SLAIN1: variants seen among roughly 807,000 people sequenced by gnomAD.
The protein encoded by SLAIN1 is SLAIN family member 1, also known as SLAIN motif-containing protein 1.
In SLAIN1, 17 loss-of-function variants were observed where a neutral mutation model predicts 55.4. The observed-to-expected ratio is 0.31, with a 90% CI of 0.21 to 0.46. SLAIN1 has a LOEUF of 0.46. SLAIN1 is among the 20% of genes least tolerant of loss of function. The probability of loss-of-function intolerance (pLI) is 1.00; values close to 1 mark genes in which losing one functional copy is unlikely to be tolerated. For missense variants in SLAIN1, 682 were observed against 785.1 expected (o/e 0.87, Z 1.57); for synonymous variants, 348 against 337.4 (o/e 1.03, Z -0.35).
At chr13:77,755,044 G>C (rs1170910199) in intron 5 of SLAIN1, among the ~76,000 whole-genome samples, 1 of 152,008 alleles carries the variant, frequency 6.6e-6, no homozygotes, top group Non-Finnish European at 1.5e-5. Context: ...TAGGAGAATG[G>C]GCCAAATGTA....
At chr13:77,732,458 T>C (rs1010638803) in intron 2 of SLAIN1, among the ~76,000 whole-genome samples, 4 of 152,166 alleles carry the variant, frequency 2.6e-5, no homozygotes, top group African/African-American at 9.7e-5. Context: ...TCAGCTTGCA[T>C]TGTGGCTGTA....
chr13:77,757,070 T>A (rs1874656826), intron 5 of SLAIN1, among the ~76,000 whole-genome samples: 1 of 152,172 alleles, frequency 6.6e-6, no homozygotes, highest in Admixed American at 6.5e-5. Context: ...TGAAGGTTTT[T>A]AAAAAATTAA....
intron 2 of SLAIN1, among the ~76,000 whole-genome samples, chr13:77,721,662 G>A (rs962004844): frequency 1.1e-4 from 17 of 151,826 alleles, no homozygotes; most frequent in East Asian, 1.9e-4. Flanking sequence ...TGTCATGACT[G>A]TTCAACTTAG....
rs1457004843 is a variant in SLAIN1 at position 77,764,061 on chromosome 13, C to T, written c.*841C>T. 6.6e-6 allele frequency: 1 copy of T among 152,596 alleles called. No individual in the cohort carries two copies. The highest frequency in any genetic ancestry group is 6.5e-5 in the Admixed American group (1 of 15,282). 9.5% of individuals were successfully genotyped at this position (152,596 alleles called of 1,614,324 possible). On this transcript the variant is annotated 3_prime_UTR_variant, in exon 7 of 7. Transcript: ENST00000418532. ...GGATGAAACTGTAATGTTTTATTAA[C>T]AATGCTTCTGGAAATGAATGCATTT...
At chr13:77,744,254 G>A (rs17777179) in intron 2 of SLAIN1, 29 bp from the exon 3 acceptor site, 107,126 of 1,492,712 alleles carry the variant, frequency 0.072, 4,335 homozygotes, top group Middle Eastern at 0.11. Flanking sequence ...CCTGCAGATG[G>A]AAGAACACAC....
At chr13:77,748,539 A>C (rs770173512) in intron 4 of SLAIN1, among the ~76,000 whole-genome samples, 1 of 151,838 alleles carries the variant, frequency 6.6e-6, no homozygotes, top group Non-Finnish European at 1.5e-5. Flanking sequence ...GTTGCACCTC[A>C]GAAAAGTGGT....
chr13:77,705,629 A>G (rs2091081719), intron 1 of SLAIN1, among the ~76,000 whole-genome samples: 1 of 150,628 alleles, frequency 6.6e-6, no homozygotes, highest in Non-Finnish European at 1.5e-5. Flanking sequence ...TTAGAGCTAT[A>G]TAGGAGAAAT....
At chr13:77,719,428 AG>A (rs1278404019) in intron 1 of SLAIN1, 103 bp from the exon 2 acceptor site, 7 of 722,108 alleles carry the variant, frequency 9.7e-6, no homozygotes, top group Non-Finnish European at 1.5e-5. Flanking sequence ...ATCAAATATG[AG>A]TTCTGTTTCT....
Position 77,697,759 on chromosome 13 carries a change from C to A in SLAIN1, c.-155C>A. 2 of 659,992 alleles carry A rather than the reference C, an allele frequency of 3.0e-6. No individual in the cohort carries two copies. The highest frequency in any genetic ancestry group is 5.0e-5 in the East Asian group (1 of 20,070). The allele number at this position is 659,992 out of a possible 1,614,324, so 40.9% of individuals were successfully genotyped here. A position where few individuals can be genotyped will look rare whatever the true frequency, so the allele number is the denominator to read the frequency against. Reference sequence around the variant, plus strand: ...GCTGCCGCGGCCGGAGGCGAGGGCCCGGTGCTGATGCGAACCGCCGGCTCG... The same window carrying A: ...GCTGCCGCGGCCGGAGGCGAGGGCCAGGTGCTGATGCGAACCGCCGGCTCG... On this transcript the variant is annotated 5_prime_UTR_variant, in exon 1 of 7. Transcript: ENST00000418532.
chr13:77,762,540 C>T (rs1026657969), intron 6 of SLAIN1, among the ~76,000 whole-genome samples: 12 of 151,916 alleles, frequency 7.9e-5, no homozygotes, highest in Non-Finnish European at 1.6e-4. Context: ...GCTAGGACTA[C>T]AGTGCATATC....
Position 77,743,331 on chromosome 13 carries a change from T to C in SLAIN1, c.767-952T>C, listed in dbSNP as rs147475587. 1.7e-3 allele frequency: 621 copies of C among 368,374 alleles called. 3 individuals carry two copies. Among genetic ancestry groups the C allele is most frequent in the East Asian group, 2.7e-3 (29 of 10,722 alleles). 22.8% of individuals were successfully genotyped at this position (368,374 alleles called of 1,614,324 possible). A position where few individuals can be genotyped will look rare whatever the true frequency, so the allele number is the denominator to read the frequency against. On this transcript the variant is annotated intron_variant, in intron 2 of 6. Transcript: ENST00000418532. Reference sequence around the variant, plus strand: ...AAAGGCCTAGCACTAATTTGTACTCTAACACCATTGATCTACTGCTCTCAA... The same window carrying C: ...AAAGGCCTAGCACTAATTTGTACTCCAACACCATTGATCTACTGCTCTCAA...
At chr13:77,732,930 G>A (rs962913152) in intron 2 of SLAIN1, among the ~76,000 whole-genome samples, 1 of 152,104 alleles carries the variant, frequency 6.6e-6, no homozygotes, top group Non-Finnish European at 1.5e-5. Context: ...AGAAGGATCC[G>A]ATAATAGTCA....
chr13:77,725,449 A>C (rs2091298892), intron 2 of SLAIN1, among the ~76,000 whole-genome samples: 2 of 152,188 alleles, frequency 1.3e-5, no homozygotes, highest in African/African-American at 4.8e-5. Flanking sequence ...TCCTCTCTGC[A>C]TTATGCTTTT....
intron 1 of SLAIN1, among the ~76,000 whole-genome samples, chr13:77,702,223 G>A (rs1311708895): frequency 6.6e-6 from 1 of 151,876 alleles, no homozygotes; most frequent in Non-Finnish European, 1.5e-5. Flanking sequence ...GAATTCTTAA[G>A]TCATCTTATA....
Position 77,698,179 on chromosome 13 carries a change from C to A in SLAIN1, c.266C>A (p.Thr89Asn). ...GPRSPPAATA[T>N]AAASGGLGLG... ...CGGAGCCCCCCGGCCGCCACGGCCACCGCCGCGGCCTCAGGGGGCCTGGGG... is the reference window on the plus strand; with the variant it reads ...CGGAGCCCCCCGGCCGCCACGGCCAACGCCGCGGCCTCAGGGGGCCTGGGG... The change falls in exon 1 of 7, where the codon ACC becomes AAC. Residue 89 changes from threonine (T) to asparagine (N), a missense_variant. Thr to Asn is a moderately conservative substitution (Grantham distance 65, BLOSUM62 0). Transcript: ENST00000418532. The surrounding 1 kb of genome is among the most constrained non-coding windows in gnomAD (Gnocchi z 4.1). The A allele has an allele frequency of 8.4e-7, 1 of 1,187,710 alleles. No individual in the cohort carries two copies. Among genetic ancestry groups the A allele is most frequent in the Non-Finnish European group, 1.0e-6 (1 of 961,254 alleles). The allele number at this position is 1,187,710 out of a possible 1,614,324, so 73.6% of individuals were successfully genotyped here. A position where few individuals can be genotyped will look rare whatever the true frequency, so the allele number is the denominator to read the frequency against.
At position 77,761,057 on chromosome 13, in the gene SLAIN1, G is replaced by A; in HGVS notation, c.1644G>A (p.Leu548=). ...MGRSALPRPS[L]AINGSNLPRS... ...GCAGTGCACTCCCAAGACCTTCGTT[G>A]GCAATAAATGGGAGTAACCTGCCTC... Residue 548 remains leucine (L), a synonymous_variant, in exon 6 of 7, where the codon TTG becomes TTA. Coordinates refer to ENST00000418532, the MANE Select transcript of SLAIN1 (RefSeq NM_001242868.2). 1 of 1,614,150 alleles carries A rather than the reference G, an allele frequency of 6.2e-7. No homozygotes were observed. The highest frequency in any genetic ancestry group is 8.5e-7 in the Non-Finnish European group (1 of 1,180,012).
chr13:77,699,476 T>C (rs2091009798), intron 1 of SLAIN1, among the ~76,000 whole-genome samples: 1 of 152,204 alleles, frequency 6.6e-6, no homozygotes, highest in South Asian at 2.1e-4. Context: ...AGTCCTTCTT[T>C]ACTTTAGGTC....
At chr13:77,726,028 T>G (rs2091304263) in intron 2 of SLAIN1, among the ~76,000 whole-genome samples, 1 of 152,218 alleles carries the variant, frequency 6.6e-6, no homozygotes, top group South Asian at 2.1e-4. Flanking sequence ...AAAGCTTTCA[T>G]GATGTATCTG....
intron 2 of SLAIN1, among the ~76,000 whole-genome samples, chr13:77,736,981 T>A (rs76231742): frequency 0.067 from 10,262 of 152,134 alleles, 440 homozygotes; most frequent in South Asian, 0.11. Flanking sequence ...TAACACCTAT[T>A]TGTTGATGTA....
Sources: allele counts gnomAD v4.1 joint callset (sites outside exome capture counted in the v4.1 genomes callset), GRCh38; gene constraint gnomAD v4.1.1; non-coding constraint Gnocchi (gnomAD v3.1); transcripts MANE v1.5; gene names NCBI Gene and HGNC (gene_info 2026-07-23, HGNC 2026-07-21).